The following TCF7L1 variants were observed in gnomAD, a reference collection of about 807,000 sequenced individuals.
The protein encoded by TCF7L1 is transcription factor 7 like 1.
TCF7L1 carries 18 observed loss-of-function variants against 63.7 expected under a neutral mutation model. The observed-to-expected ratio is 0.28, with a 90% CI of 0.20 to 0.42. The LOEUF is 0.42. TCF7L1 is among the 10% of genes least tolerant of loss of function. The pLI is 1.00. For synonymous variants in TCF7L1, 355 were observed against 340.9 expected (o/e 1.04, Z -0.46); for missense variants, 654 against 779.3 (o/e 0.84, Z 1.91).
chr2:85,192,642 C>T (rs1380799345), intron 3 of TCF7L1, among the ~76,000 whole-genome samples: 1 of 151,566 alleles, frequency 6.6e-6, no homozygotes, highest in Non-Finnish European at 1.5e-5. Context: ...CTCGGCCTCC[C>T]AGAGTGCTGG....
chr2:85,258,790 G>T (rs954678889), intron 3 of TCF7L1, among the ~76,000 whole-genome samples: 2 of 152,190 alleles, frequency 1.3e-5, no homozygotes, highest in Non-Finnish European at 2.9e-5. Flanking sequence ...TCCCCAGTGG[G>T]TGACCATCAC....
In TCF7L1 at chr2:85,133,857, C is replaced by G. The variant is rs1360909263; in HGVS notation, c.173C>G (p.Ala58Gly). The change falls in exon 1 of 12, where the codon GCG becomes GGG. Residue 58 changes from alanine to glycine, a missense_variant. Around this residue, in one of 3 missense-constraint regions of TCF7L1, gnomAD observed 404 missense variants for 454.8 expected, o/e 0.89. Coordinates refer to ENST00000282111, the MANE Select transcript of TCF7L1 (RefSeq NM_031283.3). The surrounding 1 kb of genome is among the most constrained non-coding windows in gnomAD (Gnocchi z 4.4). ...GAGCCGAGCAGCGATAGCGCCTCGG[C>G]GCAGCGGGACCTAGACGAGGTCAAG... ...EQEPSSDSAS[A>G]QRDLDEVKSS... 5 of 1,513,224 alleles carry G rather than the reference C, an allele frequency of 3.3e-6. No homozygotes were observed. The highest frequency in any genetic ancestry group is 4.4e-6 in the Non-Finnish European group (5 of 1,130,608). 93.7% of individuals were successfully genotyped at this position (1,513,224 alleles called of 1,614,324 possible). A position where few individuals can be genotyped will look rare whatever the true frequency, so the allele number is the denominator to read the frequency against.
At chr2:85,259,052 C>T (rs919762973) in intron 3 of TCF7L1, among the ~76,000 whole-genome samples, 2 of 152,196 alleles carry the variant, frequency 1.3e-5, no homozygotes, top group Non-Finnish European at 2.9e-5. Flanking sequence ...TGACATTTAC[C>T]ATTTGGGACA....
At chr2:85,260,363 G>A (rs1324354838) in intron 3 of TCF7L1, among the ~76,000 whole-genome samples, 9 of 152,132 alleles carry the variant, frequency 5.9e-5, no homozygotes, top group East Asian at 5.8e-4. Context: ...GTGGCCGGAC[G>A]CAGTGGCTCA....
intron 3 of TCF7L1, among the ~76,000 whole-genome samples, chr2:85,148,771 A>ATTTTT (rs775984491): frequency 5.6e-5 from 7 of 125,012 alleles, no homozygotes; most frequent in South Asian, 2.6e-4. Context: ...ACAGTATTTA[A>ATTTTT]TTTTTTTTTT....
intron 3 of TCF7L1, among the ~76,000 whole-genome samples, chr2:85,245,122 A>G (rs370787083): frequency 8.5e-5 from 13 of 152,190 alleles, no homozygotes; most frequent in African/African-American, 3.1e-4. Flanking sequence ...CAAGACAGAT[A>G]CCAGGGAGAG....
At chr2:85,226,101 C>A (rs1679948644) in intron 3 of TCF7L1, among the ~76,000 whole-genome samples, 1 of 152,170 alleles carries the variant, frequency 6.6e-6, no homozygotes, top group Admixed American at 6.5e-5. Flanking sequence ...ATATGTTGAA[C>A]CAGCCTTGCA....
chr2:85,151,055 T>C (rs1678003338), intron 3 of TCF7L1, among the ~76,000 whole-genome samples: 1 of 152,208 alleles, frequency 6.6e-6, no homozygotes, highest in African/African-American at 2.4e-5. Context: ...TTGGGGTCTC[T>C]CATTTTTAAA....
chr2:85,300,848 C>T (rs1168451330), intron 4 of TCF7L1, among the ~76,000 whole-genome samples: 2 of 150,998 alleles, frequency 1.3e-5, no homozygotes, highest in Non-Finnish European at 2.9e-5. Context: ...GGCACGATCT[C>T]GGCTCACTGC....
intron 3 of TCF7L1, among the ~76,000 whole-genome samples, chr2:85,231,125 A>G (rs956603728): frequency 3.3e-5 from 5 of 152,176 alleles, no homozygotes; most frequent in African/African-American, 4.8e-5. Flanking sequence ...GGCCAGCAGG[A>G]ACAGCCAGGT....
chr2:85,256,364 A>G (rs2104340904), intron 3 of TCF7L1, among the ~76,000 whole-genome samples: 1 of 152,308 alleles, frequency 6.6e-6, no homozygotes, highest in East Asian at 1.9e-4. Context: ...GTGTTATCCA[A>G]ATCCACAGGC....
chr2:85,192,036 C>T lies in TCF7L1; in HGVS notation c.441+57586C>T, dbSNP rs1381173030. ...ACTATGGTCCCAGAATCCATTTGTCCTCTGACAAGGGGACTCTGTGCTGCA... is the reference window on the plus strand; with the variant it reads ...ACTATGGTCCCAGAATCCATTTGTCTTCTGACAAGGGGACTCTGTGCTGCA... On this transcript the variant is annotated intron_variant, in intron 3 of 11. Coordinates refer to ENST00000282111, the MANE Select transcript of TCF7L1 (RefSeq NM_031283.3). Among the ~76,000 whole-genome samples the T allele has an allele frequency of 3.3e-5, 5 of 152,236 alleles. No homozygotes were observed. The East Asian group carries it at 5.8e-4, about 18-fold the overall frequency.
In TCF7L1 at chr2:85,268,471, C is replaced by CTTT. The variant is rs554305734; in HGVS notation, c.442-15007_442-15005dup. 7.8e-3 allele frequency among the ~76,000 whole-genome samples: 1,045 copies of CTTT among 134,784 alleles called. 13 individuals carry two copies. Among genetic ancestry groups the CTTT allele is most frequent in the Non-Finnish European group, 0.013 (801 of 63,250 alleles). The allele number at this position is 134,784 out of a possible 152,430, so 88.4% of individuals were successfully genotyped here. A position where few individuals can be genotyped will look rare whatever the true frequency, so the allele number is the denominator to read the frequency against. The stretch of plus-strand genomic sequence containing the variant: ...CCAAAGGGCGAATAAGATTGGATGC[C>CTTT]TTTTTTTTTTTTTTTTTTTGAGACG... On this transcript the variant is annotated intron_variant, in intron 3 of 11. Transcript: ENST00000282111.
At chr2:85,279,910 C>T (rs976646951) in intron 3 of TCF7L1, among the ~76,000 whole-genome samples, 1 of 152,172 alleles carries the variant, frequency 6.6e-6, no homozygotes, top group African/African-American at 2.4e-5. Context: ...GTAGGCACGA[C>T]CAGTGTGGTC....
At chr2:85,270,049 C>T (rs1459444844) in intron 3 of TCF7L1, among the ~76,000 whole-genome samples, 1 of 152,234 alleles carries the variant, frequency 6.6e-6, no homozygotes, top group Admixed American at 6.5e-5. Context: ...CTTTGGCCAG[C>T]TGCTGGGCCT....
chr2:85,235,675 A>G (rs954707297), intron 3 of TCF7L1, among the ~76,000 whole-genome samples: 5 of 152,098 alleles, frequency 3.3e-5, no homozygotes, highest in African/African-American at 1.2e-4. Context: ...TCTTAAGGGC[A>G]AGGGCAAAAC....
At chr2:85,282,561 G>A (rs1182209731) in intron 3 of TCF7L1, among the ~76,000 whole-genome samples, 1 of 152,182 alleles carries the variant, frequency 6.6e-6, no homozygotes, top group Non-Finnish European at 1.5e-5. Context: ...CGAACAACCT[G>A]TACCGTGAGT....
At chr2:85,185,830 G>A (rs918188964) in intron 3 of TCF7L1, among the ~76,000 whole-genome samples, 3 of 152,108 alleles carry the variant, frequency 2.0e-5, no homozygotes, top group African/African-American at 7.2e-5. Context: ...TGTGCGGGTA[G>A]CCCCATGTTG....
chr2:85,305,512 G>A, intron 8 of TCF7L1, 109 bp downstream of exon 8: 1 of 1,358,618 alleles, frequency 7.4e-7, no homozygotes, highest in Non-Finnish European at 9.8e-7. Flanking sequence ...GTGTCACTCA[G>A]CAGGCATCAC....
Sources: gnomAD v4.1 joint callset for allele counts (sites outside exome capture counted in the v4.1 genomes callset) on GRCh38, gnomAD v4.1.1 for gene constraint, gnomAD v4.1.1 regional missense constraint, Gnocchi (gnomAD v3.1) non-coding constraint, MANE v1.5 for transcripts, NCBI Gene and HGNC (gene_info 2026-07-23, HGNC 2026-07-21) for gene names.